The following ROCK2 variants were observed in gnomAD, a reference collection of about 807,000 sequenced individuals.
ROCK2 encodes rho-associated protein kinase 2.
In ROCK2, 61 loss-of-function variants were observed where a neutral mutation model predicts 195.1. That is an observed-to-expected ratio of 0.31 (90% CI 0.25 to 0.39). The LOEUF (loss-of-function observed/expected upper bound fraction) is 0.39, where lower values mean the gene tolerates loss of function less well. ROCK2 is among the 10% of genes least tolerant of loss of function. The pLI, the probability that ROCK2 is intolerant of heterozygous loss-of-function variation, is 1.00. For missense variants in ROCK2, 1,109 were observed against 1,637.4 expected, an observed-to-expected ratio of 0.68 and a Z score of 5.57; for synonymous variants, 504 against 545.5, an observed-to-expected ratio of 0.92 and a Z score of 1.06.
intron 1 of ROCK2, among the ~76,000 whole-genome samples, chr2:11,301,797 A>T (rs1310984886): frequency 7.4e-6 from 1 of 134,696 alleles, no homozygotes; most frequent in African/African-American, 2.6e-5. Flanking sequence ...AAAAAAAAAA[A>T]TCTTACCTAC....
intron 1 of ROCK2, among the ~76,000 whole-genome samples, chr2:11,340,884 A>T (rs1049052693): frequency 2.6e-5 from 4 of 152,182 alleles, no homozygotes; most frequent in Admixed American, 6.5e-5. Context: ...GTGACTGTTT[A>T]CTCTTTGAAA....
chr2:11,334,348 T>TA, intron 1 of ROCK2, among the ~76,000 whole-genome samples: 1 of 151,880 alleles, frequency 6.6e-6, no homozygotes, highest in Non-Finnish European at 1.5e-5. Flanking sequence ...TCATCTCTAC[T>TA]AAAACACAAA....
intron 5 of ROCK2, among the ~76,000 whole-genome samples, chr2:11,232,746 C>CAATG (rs1019396029): frequency 3.9e-5 from 6 of 152,186 alleles, no homozygotes; most frequent in African/African-American, 1.4e-4. Flanking sequence ...ATGGGTAACA[C>CAATG]AATGGAAGAT....
At chr2:11,194,046 A>G in intron 29 of ROCK2, 189 bp from the exon 30 acceptor site, 1 of 456,546 alleles carries the variant, frequency 2.2e-6, no homozygotes, top group Non-Finnish European at 3.8e-6. Context: ...AAATTTTCTA[A>G]TTAGTTTCAA....
At chr2:11,207,276 A>G (rs1664086761) in intron 20 of ROCK2, among the ~76,000 whole-genome samples, 3 of 152,190 alleles carry the variant, frequency 2.0e-5, no homozygotes, top group Admixed American at 6.5e-5. Flanking sequence ...TATTTTAACA[A>G]TATGTTCTCC....
rs1663575064 is a variant in ROCK2, at chr2:11,194,993, C to T, written c.3481G>A (p.Val1161Ile). ...CCAAATTTCTTAGTGTTGTTTCGTA[C>T]AGGCAATGAAAGCCATCCTTCTAAT... ...SRLEGWLSLP[V>I]RNNTKKFGWV... The change falls in exon 28 of 33, where the codon GTA (valine) becomes ATA (isoleucine). Residue 1161 changes from valine (V) to isoleucine (I), a missense_variant. Coordinates refer to ENST00000315872, the MANE Select transcript of ROCK2 (RefSeq NM_004850.5). 6.3e-7 allele frequency: 1 copy of T among 1,583,050 alleles called. No homozygotes were observed. Among genetic ancestry groups the T allele is most frequent in the Non-Finnish European group, 8.6e-7 (1 of 1,163,200 alleles).
intron 17 of ROCK2, among the ~76,000 whole-genome samples, chr2:11,212,485 T>C (rs1318744182): frequency 1.3e-5 from 2 of 152,164 alleles, no homozygotes; most frequent in African/African-American, 4.8e-5. Flanking sequence ...TCCCTTGGCA[T>C]TGCCGACCTT....
chr2:11,216,707 G>A (rs371655845), intron 12 of ROCK2, among the ~76,000 whole-genome samples: 11 of 148,906 alleles, frequency 7.4e-5, no homozygotes, highest in African/African-American at 2.5e-4. Context: ...ATAGCTCTCC[G>A]TTTCTGTTTT....
intron 4 of ROCK2, among the ~76,000 whole-genome samples, chr2:11,236,979 C>T (rs1370436917): frequency 6.6e-6 from 1 of 151,960 alleles, no homozygotes; most frequent in Non-Finnish European, 1.5e-5. Flanking sequence ...GGTGAAACCC[C>T]GTCTCTACTA....
chr2:11,296,128 C>G (rs1422831815), intron 1 of ROCK2, among the ~76,000 whole-genome samples: 1 of 149,416 alleles, frequency 6.7e-6, no homozygotes, highest in Admixed American at 6.7e-5. Context: ...GGTGGAGGAA[C>G]AACTTTTCCT....
chr2:11,264,045 T>C lies in ROCK2; in HGVS notation c.325-14247A>G, dbSNP rs551447730. ...AATTCCACTACACATAAACCAGGAA[T>C]GGGGATAGGAGTAATACATGAGAAC... On this transcript the variant is annotated intron_variant, in intron 3 of 32. Transcript: ENST00000315872. 7.3e-5 allele frequency among the ~76,000 whole-genome samples: 11 copies of C among 150,346 alleles called. No homozygotes were observed. In the South Asian group the frequency reaches 2.3e-3, roughly 31 times the overall value.
At chr2:11,261,103 C>T (rs1304886339) in intron 3 of ROCK2, among the ~76,000 whole-genome samples, 1 of 152,208 alleles carries the variant, frequency 6.6e-6, no homozygotes, top group Non-Finnish European at 1.5e-5. Context: ...ATTTTGGCTA[C>T]ATGTTCTAGT....
chr2:11,267,018 T>C (rs1410788053), intron 3 of ROCK2, among the ~76,000 whole-genome samples: 1 of 152,252 alleles, frequency 6.6e-6, no homozygotes, highest in Non-Finnish European at 1.5e-5. Context: ...TTTAACAGAT[T>C]AAATTGTAAT....
chr2:11,327,691 A>C (rs990620232), intron 1 of ROCK2, among the ~76,000 whole-genome samples: 6 of 152,102 alleles, frequency 3.9e-5, no homozygotes, highest in Non-Finnish European at 8.8e-5. Flanking sequence ...GACTCTCAAG[A>C]AGCTGGGACT....
chr2:11,315,378 C>T (rs1668159179), intron 1 of ROCK2, among the ~76,000 whole-genome samples: 1 of 151,906 alleles, frequency 6.6e-6, no homozygotes, highest in African/African-American at 2.4e-5. Context: ...AACTCTTATG[C>T]TACAATGTTA....
At chr2:11,226,957 G>A (rs1472552777) in intron 6 of ROCK2, among the ~76,000 whole-genome samples, 1 of 149,466 alleles carries the variant, frequency 6.7e-6, no homozygotes, top group Non-Finnish European at 1.5e-5. Flanking sequence ...TAGAATGAAG[G>A]CCCACTGAAG....
At position 11,192,069 on chromosome 2, in the gene ROCK2, A is replaced by G; in HGVS notation, c.4163+79T>C. 1 of 1,043,152 alleles carries G rather than the reference A, an allele frequency of 9.6e-7. No individual in the cohort carries two copies. The highest frequency in any genetic ancestry group is 1.6e-5 in the South Asian group (1 of 62,714). 64.6% of individuals were successfully genotyped at this position (1,043,152 alleles called of 1,614,324 possible). On this transcript the variant is annotated intron_variant, in intron 32 of 32. Transcript: ENST00000315872. This position sits in a 1 kb window ranked among gnomAD's most constrained non-coding sequence, Gnocchi z 5.0. ...ACAAAGCAAAGGAAAACTAATTAGGAAAATTTGTAGTTTGAACATAAATAG... is the reference window on the plus strand; with the variant it reads ...ACAAAGCAAAGGAAAACTAATTAGGGAAATTTGTAGTTTGAACATAAATAG...
chr2:11,255,788 C>T (rs1458628796), intron 3 of ROCK2, among the ~76,000 whole-genome samples: 1 of 150,198 alleles, frequency 6.7e-6, no homozygotes, highest in Non-Finnish European at 1.5e-5. Flanking sequence ...GGCATGGTGG[C>T]ATGTGCCTGT....
chr2:11,295,920 G>GCACTC (rs1404065560), intron 1 of ROCK2, among the ~76,000 whole-genome samples: 1 of 148,462 alleles, frequency 6.7e-6, no homozygotes, highest in East Asian at 2.0e-4. Context: ...TCGCGCCACT[G>GCACTC]CACTCCAGCC....
Sources: gnomAD v4.1 joint callset for allele counts (sites outside exome capture counted in the v4.1 genomes callset) on GRCh38, gnomAD v4.1.1 for gene constraint, Gnocchi (gnomAD v3.1) non-coding constraint, MANE v1.5 for transcripts, NCBI Gene and HGNC (gene_info 2026-07-23, HGNC 2026-07-21) for gene names.